The following MAGI2 variants were observed in gnomAD, a reference collection of about 807,000 sequenced individuals.
The protein encoded by MAGI2 is membrane associated guanylate kinase, WW and PDZ domain containing 2.
In MAGI2, 35 loss-of-function variants were observed where a neutral mutation model predicts 133.3. The observed-to-expected ratio is 0.26, with a 90% CI of 0.20 to 0.35. The LOEUF is 0.35. Ranked by LOEUF, MAGI2 falls within the 10% of genes least tolerant of loss-of-function variation. MAGI2 has a pLI of 1.00. For synonymous variants in MAGI2, 729 were observed against 710.6 expected, an observed-to-expected ratio of 1.03 and a Z score of -0.41; for missense variants, 1,636 against 1,863.4, an observed-to-expected ratio of 0.88 and a Z score of 2.25.
chr7:78,803,249 G>A (rs539980772), intron 2 of MAGI2, among the ~76,000 whole-genome samples: 1 of 152,056 alleles, frequency 6.6e-6, no homozygotes, highest in Admixed American at 6.6e-5. Flanking sequence ...AGTGTTAACT[G>A]CTAATAAGAG....
intron 2 of MAGI2, among the ~76,000 whole-genome samples, chr7:78,862,395 A>C (rs1295936448): frequency 2.0e-5 from 3 of 152,194 alleles, no homozygotes; most frequent in Admixed American, 2.0e-4. Context: ...ATATTTGGCA[A>C]AGATTTCTGG....
At chr7:79,303,940 T>C (rs1225392026) in intron 1 of MAGI2, among the ~76,000 whole-genome samples, 1 of 152,126 alleles carries the variant, frequency 6.6e-6, no homozygotes, top group Non-Finnish European at 1.5e-5. Flanking sequence ...TGTATGTACA[T>C]ATATGTATTT....
chr7:78,728,767 G>C (rs369781446), intron 2 of MAGI2, among the ~76,000 whole-genome samples: 1 of 131,454 alleles, frequency 7.6e-6, no homozygotes, highest in Non-Finnish European at 1.7e-5. Context: ...GGGTTTCACC[G>C]TTTTAGCCGG....
At chr7:78,443,655 A>G (rs1584146243) in intron 6 of MAGI2, among the ~76,000 whole-genome samples, 1 of 152,264 alleles carries the variant, frequency 6.6e-6, no homozygotes, top group East Asian at 1.9e-4. Context: ...ATCACTAGGT[A>G]TCTTCTGACC....
intron 6 of MAGI2, among the ~76,000 whole-genome samples, chr7:78,467,202 T>C (rs779774366): frequency 2.6e-5 from 4 of 152,156 alleles, no homozygotes; most frequent in Non-Finnish European, 4.4e-5. Flanking sequence ...GCTTTGCCCA[T>C]GCTAGTTTAC....
At chr7:78,108,284 A>G (rs1818897915) in intron 20 of MAGI2, among the ~76,000 whole-genome samples, 2 of 152,296 alleles carry the variant, frequency 1.3e-5, no homozygotes, top group South Asian at 2.1e-4. Flanking sequence ...TATTGTTTCC[A>G]AAGTCCCTCT....
intron 6 of MAGI2, among the ~76,000 whole-genome samples, chr7:78,382,415 C>T (rs953926119): frequency 4.6e-5 from 7 of 151,828 alleles, no homozygotes; most frequent in African/African-American, 9.7e-5. Context: ...TACATGTGTA[C>T]AAAATTGCTA....
intron 3 of MAGI2, 94 bp from the exon 4 acceptor site, chr7:78,521,739 T>C (rs893222768): frequency 3.9e-6 from 4 of 1,026,260 alleles, no homozygotes; most frequent in Non-Finnish European, 4.5e-6. Flanking sequence ...CACATTTTTA[T>C]CCTATTTTAT....
At chr7:78,332,886 T>G (rs1483558461) in intron 9 of MAGI2, among the ~76,000 whole-genome samples, 1 of 152,142 alleles carries the variant, frequency 6.6e-6, no homozygotes, top group Non-Finnish European at 1.5e-5. Flanking sequence ...AGAGTAAATA[T>G]ATTGATGGGC....
intron 6 of MAGI2, among the ~76,000 whole-genome samples, chr7:78,453,213 C>T (rs1366390217): frequency 6.6e-6 from 1 of 152,136 alleles, no homozygotes; most frequent in African/African-American, 2.4e-5. Flanking sequence ...ACATGTACAG[C>T]AGTTAAAACA....
intron 2 of MAGI2, among the ~76,000 whole-genome samples, chr7:78,817,140 G>A (rs1221925911): frequency 6.6e-6 from 1 of 152,154 alleles, no homozygotes; most frequent in Non-Finnish European, 1.5e-5. Context: ...TGCAGATATG[G>A]TGGAAATATC....
intron 1 of MAGI2, chr7:79,177,326 G>C (rs1021850866): frequency 6.6e-6 from 1 of 151,872 alleles, no homozygotes; most frequent in Non-Finnish European, 1.5e-5. Flanking sequence ...ATACACACAT[G>C]AATGCATGAA....
chr7:78,834,861 T>G (rs566599674), intron 2 of MAGI2, among the ~76,000 whole-genome samples: 3 of 152,084 alleles, frequency 2.0e-5, no homozygotes, highest in Non-Finnish European at 4.4e-5. Flanking sequence ...TGTAAAACTG[T>G]GTAGCACCTC....
intron 2 of MAGI2, among the ~76,000 whole-genome samples, chr7:78,677,245 T>C (rs170415): frequency 0.2 from 30,871 of 151,488 alleles, 3,502 homozygotes; most frequent in East Asian, 0.41. Flanking sequence ...TCAATTGTGT[T>C]GATCTGGCTC....
intron 1 of MAGI2, among the ~76,000 whole-genome samples, chr7:79,340,007 A>G (rs1840771414): frequency 6.6e-6 from 1 of 152,150 alleles, no homozygotes; most frequent in Non-Finnish European, 1.5e-5. Context: ...ATGTCTCAGC[A>G]TTGACTCAGT....
chr7:79,418,170 T>TA (rs1470284664), intron 1 of MAGI2, among the ~76,000 whole-genome samples: 1 of 152,128 alleles, frequency 6.6e-6, no homozygotes, highest in Non-Finnish European at 1.5e-5. Flanking sequence ...TGGTGCACCT[T>TA]AAATCAATGA....
chr7:79,004,185 AG>A (rs532715637), intron 2 of MAGI2, among the ~76,000 whole-genome samples: 194 of 152,326 alleles, frequency 1.3e-3, no homozygotes, highest in African/African-American at 4.5e-3. Context: ...TATTTACAAT[AG>A]CAAAGACAAG....
At chr7:78,168,491 A>C (rs1825828643) in intron 14 of MAGI2, among the ~76,000 whole-genome samples, 1 of 152,192 alleles carries the variant, frequency 6.6e-6, no homozygotes, top group African/African-American at 2.4e-5. Flanking sequence ...ATAAATGACG[A>C]ATACCCTTAA....
At chr7:79,152,449 C>A (rs1162070345) in intron 1 of MAGI2, among the ~76,000 whole-genome samples, 1 of 152,138 alleles carries the variant, frequency 6.6e-6, no homozygotes, top group Non-Finnish European at 1.5e-5. Context: ...ATTTTAAGAC[C>A]TAGCTTCGTT....
Sources: gnomAD v4.1 joint callset for allele counts (sites outside exome capture counted in the v4.1 genomes callset) on GRCh38, gnomAD v4.1.1 for gene constraint, MANE v1.5 for transcripts, NCBI Gene and HGNC (gene_info 2026-07-23, HGNC 2026-07-21) for gene names.